SLC25A48: variants seen among roughly 807,000 people sequenced by gnomAD.
SLC25A48 encodes solute carrier family 25 member 48.
In SLC25A48, 29 loss-of-function variants were observed where a neutral mutation model predicts 32.2. That is an observed-to-expected ratio of 0.90 (90% confidence interval 0.67 to 1.23). The LOEUF (loss-of-function observed/expected upper bound fraction) is 1.23, where lower values mean the gene tolerates loss of function less well. Ranked by LOEUF, SLC25A48 falls within the 50% of genes most tolerant of loss-of-function variation. The pLI is 0.00. For missense variants in SLC25A48, 399 were observed against 422.7 expected (o/e 0.94, Z 0.49); for synonymous variants, 164 against 172.3 (o/e 0.95, Z 0.38).
chr5:135,762,217 G>A (rs751514383), intron 3 of SLC25A48, among the ~76,000 whole-genome samples: 2 of 152,182 alleles, frequency 1.3e-5, no homozygotes, highest in African/African-American at 2.4e-5. Flanking sequence ...TGAACAGCAC[G>A]GGGCTAGGAA....
At chr5:135,604,422 A>G (rs1751881926) in intron 1 of SLC25A48, among the ~76,000 whole-genome samples, 1 of 152,166 alleles carries the variant, frequency 6.6e-6, no homozygotes, top group South Asian at 2.1e-4. Context: ...AGATAAATCG[A>G]GCCTTTCCTG....
intron 1 of SLC25A48, among the ~76,000 whole-genome samples, chr5:135,590,731 G>A (rs1288368222): frequency 6.6e-6 from 1 of 152,128 alleles, no homozygotes; most frequent in African/African-American, 2.4e-5. Context: ...TGCAAAGAGG[G>A]TGGGAGGCTT....
chr5:135,674,566 C>CT (rs928595523), intron 3 of SLC25A48, among the ~76,000 whole-genome samples: 1 of 151,300 alleles, frequency 6.6e-6, no homozygotes, highest in African/African-American at 2.4e-5. Context: ...TTTTCTGTGT[C>CT]TTTTTTTCTT....
intron 3 of SLC25A48, among the ~76,000 whole-genome samples, chr5:135,765,102 G>A (rs1756172831): frequency 6.6e-6 from 1 of 151,690 alleles, no homozygotes; most frequent in Non-Finnish European, 1.5e-5. Flanking sequence ...CTATATCACA[G>A]AGGGGCATAC....
At chr5:135,848,339 A>G (rs1759578045) in intron 2 of SLC25A48, among the ~76,000 whole-genome samples, 1 of 152,074 alleles carries the variant, frequency 6.6e-6, no homozygotes, top group African/African-American at 2.4e-5. Flanking sequence ...GGACCTCATG[A>G]CAGCCTTACA....
In SLC25A48 at chr5:135,858,437, G is replaced by T. The variant is rs1373760337; in HGVS notation, c.421+5616G>T. Among the ~76,000 whole-genome samples, 7 of 152,222 alleles carry T rather than the reference G, an allele frequency of 4.6e-5. No individual in the cohort carries two copies. In the East Asian group the frequency reaches 1.3e-3, roughly 29 times the overall value. On this transcript the variant is annotated intron_variant, in intron 4 of 7. Coordinates refer to ENST00000681962, the MANE Select transcript of SLC25A48 (RefSeq NM_001349336.2). ...CCCACAAGTTTCTGTGATCTGGACT[G>T]AATAAGAATGGTCTTGGCAGTAGTG...
intron 3 of SLC25A48, among the ~76,000 whole-genome samples, chr5:135,726,140 G>A (rs1755083703): frequency 6.6e-6 from 1 of 152,212 alleles, no homozygotes; most frequent in Admixed American, 6.5e-5. Flanking sequence ...CAGTGCCTGA[G>A]TGCACACTGG....
At chr5:135,809,941 G>A (rs1291778533) in intron 3 of SLC25A48, among the ~76,000 whole-genome samples, 5 of 152,158 alleles carry the variant, frequency 3.3e-5, no homozygotes, top group Admixed American at 1.3e-4. Flanking sequence ...GGACTCAAGC[G>A]ATCCTCCTGC....
chr5:135,638,665 G>A (rs950646841), intron 3 of SLC25A48, among the ~76,000 whole-genome samples: 1 of 152,218 alleles, frequency 6.6e-6, no homozygotes, highest in African/African-American at 2.4e-5. Context: ...CATTAGTGGT[G>A]TGATTGATTT....
At chr5:135,585,247 C>T (rs1270618844) in intron 1 of SLC25A48, among the ~76,000 whole-genome samples, 1 of 152,250 alleles carries the variant, frequency 6.6e-6, no homozygotes, top group Non-Finnish European at 1.5e-5. Context: ...CTCTCACCAG[C>T]CCTGTTCCAT....
At chr5:135,823,888 A>G (rs749203493) in intron 4 of SLC25A48, among the ~76,000 whole-genome samples, 3 of 152,204 alleles carry the variant, frequency 2.0e-5, no homozygotes, top group Non-Finnish European at 4.4e-5. Context: ...AGTGAGATGG[A>G]TCAAGAGAAG....
chr5:135,580,816 C>A (rs1751215130), intron 1 of SLC25A48, among the ~76,000 whole-genome samples: 1 of 152,146 alleles, frequency 6.6e-6, no homozygotes, highest in African/African-American at 2.4e-5. Context: ...GCTTTGTGTG[C>A]ACATGTACAC....
intron 3 of SLC25A48, among the ~76,000 whole-genome samples, chr5:135,658,853 A>G (rs1753318855): frequency 6.6e-6 from 1 of 152,198 alleles, no homozygotes; most frequent in Non-Finnish European, 1.5e-5. Context: ...TCTTTTAGTC[A>G]TGGCTGGAGC....
At chr5:135,755,845 T>C (rs1053143201) in intron 3 of SLC25A48, among the ~76,000 whole-genome samples, 1 of 127,146 alleles carries the variant, frequency 7.9e-6, no homozygotes, top group South Asian at 2.5e-4. Flanking sequence ...CAGTGTAGTA[T>C]TAATGAAATA....
chr5:135,723,378 T>TCACACACACACACACACACACA (rs1444066866), intron 3 of SLC25A48, among the ~76,000 whole-genome samples: 16 of 54,518 alleles, frequency 2.9e-4, no homozygotes, highest in East Asian at 6.5e-4. Flanking sequence ...TCTCTCTCTC[T>TCACACACACACACACACACACA]CTCACACACA....
chr5:135,806,635 TA>T (rs1757470467), intron 3 of SLC25A48, among the ~76,000 whole-genome samples: 1 of 150,488 alleles, frequency 6.6e-6, no homozygotes, highest in Non-Finnish European at 1.5e-5. Flanking sequence ...ATATTGTAGA[TA>T]TTTTATAAAT....
chr5:135,622,178 C>T (rs978519453), intron 1 of SLC25A48, among the ~76,000 whole-genome samples: 3 of 152,134 alleles, frequency 2.0e-5, no homozygotes, highest in Admixed American at 6.6e-5. Context: ...ATTAGAAGAT[C>T]CAGTGATACT....
intron 3 of SLC25A48, among the ~76,000 whole-genome samples, chr5:135,742,967 CCTCCCCTCCCTCCCCCCCCTCCCTTCCT>C (rs1755537113): frequency 6.0e-4 from 1 of 1,656 alleles, no homozygotes; most frequent in Non-Finnish European, 2.7e-3. Context: ...TCCCCCTCCC[CCTCCCCTCCCTCCCCCCCCTCCCTTCCT>C]CTCCCCTCCC....
At chr5:135,801,859 G>A (rs888341841) in intron 3 of SLC25A48, among the ~76,000 whole-genome samples, 10 of 151,580 alleles carry the variant, frequency 6.6e-5, no homozygotes, top group South Asian at 6.2e-4. Context: ...TCCGGGGGGC[G>A]GGGATGATAT....
Sources: allele counts gnomAD v4.1 joint callset (sites outside exome capture counted in the v4.1 genomes callset), GRCh38; gene constraint gnomAD v4.1.1; transcripts MANE v1.5; gene names NCBI Gene and HGNC (gene_info 2026-07-23, HGNC 2026-07-21).